Variants in CCSER1 observed in about 807,000 individuals in gnomAD.
CCSER1 encodes serine-rich coiled-coil domain-containing protein 1.
A neutral mutation model predicts 82.0 loss-of-function variants in CCSER1; 41 were observed. The observed-to-expected ratio is 0.50, with a 90% CI of 0.39 to 0.65. CCSER1 has a LOEUF of 0.65. Among genes scored for constraint, CCSER1 ranks in the 30% least tolerant of loss-of-function variants. The pLI is 0.00. For missense variants in CCSER1, 1,119 were observed against 1,064.2 expected, an observed-to-expected ratio of 1.05 and a Z score of -0.72; for synonymous variants, 414 against 383.9, an observed-to-expected ratio of 1.08 and a Z score of -0.92.
chr4:91,152,861 G>T (rs889414986), intron 10 of CCSER1, among the ~76,000 whole-genome samples: 1 of 151,934 alleles, frequency 6.6e-6, no homozygotes, highest in Non-Finnish European at 1.5e-5. Context: ...CTCTCTTCTG[G>T]CTTGTAGAGT....
intron 10 of CCSER1, among the ~76,000 whole-genome samples, chr4:91,277,058 T>C (rs1742523707): frequency 6.6e-6 from 1 of 152,228 alleles, no homozygotes; most frequent in African/African-American, 2.4e-5. Flanking sequence ...GATTTGCTGG[T>C]ATTTTGTTGA....
chr4:90,138,200 A>AT (rs1029110550), intron 1 of CCSER1, among the ~76,000 whole-genome samples: 11 of 151,544 alleles, frequency 7.3e-5, no homozygotes, highest in African/African-American at 2.2e-4. Flanking sequence ...TCTTTTTTAA[A>AT]TTTTTTTTTG....
intron 1 of CCSER1, among the ~76,000 whole-genome samples, chr4:90,130,098 G>A (rs929309675): frequency 2.0e-5 from 3 of 152,110 alleles, no homozygotes; most frequent in Non-Finnish European, 4.4e-5. Flanking sequence ...TGAAAAATTT[G>A]TTATATTTTT....
intron 10 of CCSER1, among the ~76,000 whole-genome samples, chr4:91,438,998 T>C (rs1366857030): frequency 6.6e-6 from 1 of 152,164 alleles, no homozygotes; most frequent in African/African-American, 2.4e-5. Context: ...ACCAAACCTA[T>C]GTCTCATTGG....
intron 10 of CCSER1, among the ~76,000 whole-genome samples, chr4:91,550,781 T>C (rs116353950): frequency 2.7e-3 from 413 of 152,316 alleles, no homozygotes; most frequent in Non-Finnish European, 4.3e-3. Context: ...TAATATATTA[T>C]TGATATTAGA....
intron 1 of CCSER1, among the ~76,000 whole-genome samples, chr4:90,143,487 CACAT>C (rs891338794): frequency 4.6e-5 from 6 of 130,258 alleles, no homozygotes; most frequent in Non-Finnish European, 4.8e-5. Context: ...AGCAAGTACA[CACAT>C]ACACACACAC....
chr4:91,020,437 T>C (rs1002021889), intron 9 of CCSER1, among the ~76,000 whole-genome samples: 16 of 151,960 alleles, frequency 1.1e-4, no homozygotes, highest in Non-Finnish European at 1.6e-4. Flanking sequence ...CCAAGGCGGG[T>C]GGATCACGAG....
rs1039242003 is a variant in CCSER1 at position 90,339,902 on chromosome 4, T to TTA, written c.1509+26870_1509+26871dup. ...AAGATACTTTAGAGCATGTACTATT[T>TTA]TATATATATATATATAATGAAACAT... is the stretch of plus-strand genomic sequence containing the variant. On this transcript the variant is annotated intron_variant, in intron 3 of 10. Transcript: ENST00000509176. Among the ~76,000 whole-genome samples the TTA allele has an allele frequency of 2.6e-3, 384 of 150,156 alleles. 1 individual carries two copies. Among genetic ancestry groups the TTA allele is most frequent in the African/African-American group, 6.2e-3 (254 of 40,910 alleles).
chr4:90,324,552 T>C (rs1044029227), intron 3 of CCSER1, among the ~76,000 whole-genome samples: 1 of 150,990 alleles, frequency 6.6e-6, no homozygotes, highest in Non-Finnish European at 1.5e-5. Context: ...TTGAGTTCAT[T>C]GTAGATTCTG....
intron 1 of CCSER1, among the ~76,000 whole-genome samples, chr4:90,194,759 A>G (rs1014077399): frequency 3.9e-5 from 6 of 152,120 alleles, no homozygotes; most frequent in African/African-American, 9.6e-5. Flanking sequence ...AAAAATTGAA[A>G]AAAACATGCT....
rs529885417 is a variant in CCSER1, at chr4:90,853,733, A to G, written c.2094+37888A>G. ...ACTTTGGAAAGTTCTGAGGAATAAT[A>G]CATAGTGTTTCTGATCTCTTGTGTT... On this transcript the variant is annotated intron_variant, in intron 8 of 10. Coordinates refer to ENST00000509176, the MANE Select transcript of CCSER1 (RefSeq NM_001145065.2). Among the ~76,000 whole-genome samples the G allele has an allele frequency of 9.8e-5, 15 of 152,304 alleles. No homozygotes were observed. The South Asian group carries it at 3.1e-3, about 32-fold the overall frequency.
At chr4:90,406,574 C>A (rs962927554) in intron 4 of CCSER1, among the ~76,000 whole-genome samples, 1 of 150,100 alleles carries the variant, frequency 6.7e-6, no homozygotes, top group Admixed American at 6.6e-5. Flanking sequence ...TTCATCAGCA[C>A]ATGGAACGTT....
chr4:90,264,550 C>T (rs1724910572), intron 1 of CCSER1, among the ~76,000 whole-genome samples: 3 of 152,140 alleles, frequency 2.0e-5, no homozygotes, highest in Non-Finnish European at 4.4e-5. Context: ...GAACATCCTT[C>T]ATATTGTGTT....
intron 8 of CCSER1, among the ~76,000 whole-genome samples, chr4:90,853,020 G>A (rs911088912): frequency 6.6e-6 from 1 of 152,010 alleles, no homozygotes; most frequent in Admixed American, 6.6e-5. Context: ...ACTTTGAGGA[G>A]GAGCGAGAGA....
At chr4:91,416,578 A>G (rs753146089) in intron 10 of CCSER1, among the ~76,000 whole-genome samples, 1 of 152,188 alleles carries the variant, frequency 6.6e-6, no homozygotes, top group Non-Finnish European at 1.5e-5. Flanking sequence ...ATCTTCGACA[A>G]ACCTGACAAA....
At chr4:90,734,727 T>A (rs1034330020) in intron 7 of CCSER1, among the ~76,000 whole-genome samples, 2 of 152,092 alleles carry the variant, frequency 1.3e-5, no homozygotes, top group Non-Finnish European at 2.9e-5. Flanking sequence ...TTTGGTGGAG[T>A]CTTTAGGTTT....
At chr4:91,100,744 A>G (rs2148849536) in intron 10 of CCSER1, among the ~76,000 whole-genome samples, 1 of 152,298 alleles carries the variant, frequency 6.6e-6, no homozygotes, top group East Asian at 1.9e-4. Flanking sequence ...CATCCTATAT[A>G]TGTTCTGGGT....
chr4:91,441,069 G>A (rs1311909291), intron 10 of CCSER1, among the ~76,000 whole-genome samples: 2 of 152,004 alleles, frequency 1.3e-5, no homozygotes, highest in Non-Finnish European at 2.9e-5. Context: ...CATTCCTTCT[G>A]AAACTATTCC....
intron 10 of CCSER1, among the ~76,000 whole-genome samples, chr4:91,534,916 T>C (rs1761219847): frequency 6.6e-6 from 1 of 151,808 alleles, no homozygotes; most frequent in South Asian, 2.1e-4. Context: ...CTATTCCCAT[T>C]TGTCCATATA....
Sources: allele counts gnomAD v4.1 joint callset (sites outside exome capture counted in the v4.1 genomes callset), GRCh38; gene constraint gnomAD v4.1.1; transcripts MANE v1.5; gene names NCBI Gene and HGNC (gene_info 2026-07-23, HGNC 2026-07-21).